Variants in SMYD3 observed in about 807,000 individuals in gnomAD.
The protein encoded by SMYD3 is histone-lysine N-methyltransferase SMYD3.
SMYD3 carries 36 observed loss-of-function variants against 57.7 expected under a neutral mutation model. The observed-to-expected ratio is 0.62, with a 90% CI of 0.48 to 0.82. The LOEUF (loss-of-function observed/expected upper bound fraction) is 0.82. SMYD3 is among the 40% of genes least tolerant of loss of function. The pLI is 0.00. For synonymous variants in SMYD3, 211 were observed against 195.0 expected, an observed-to-expected ratio of 1.08 and a Z score of -0.68; for missense variants, 515 against 538.8, an observed-to-expected ratio of 0.96 and a Z score of 0.44.
intron 8 of SMYD3, among the ~76,000 whole-genome samples, chr1:245,883,116 T>C (rs142388817): frequency 1.1e-4 from 17 of 152,278 alleles, no homozygotes; most frequent in African/African-American, 3.4e-4. Context: ...AAAAGACAAA[T>C]GTGAAAAGGG....
At chr1:246,373,188 T>C (rs956333067) in intron 1 of SMYD3, among the ~76,000 whole-genome samples, 1 of 152,194 alleles carries the variant, frequency 6.6e-6, no homozygotes, top group Non-Finnish European at 1.5e-5. Context: ...CCCCTCCTTT[T>C]ATTTTTTCCA....
At chr1:245,838,999 G>A (rs1191645504) in intron 10 of SMYD3, among the ~76,000 whole-genome samples, 6 of 152,074 alleles carry the variant, frequency 3.9e-5, no homozygotes, top group African/African-American at 7.2e-5. Flanking sequence ...TTGATTGCTC[G>A]TCTGCAGCAC....
chr1:246,378,720 ATATATTATATAT>A (rs1291548433), intron 1 of SMYD3, among the ~76,000 whole-genome samples: 1 of 27,594 alleles, frequency 3.6e-5, no homozygotes, highest in Non-Finnish European at 8.5e-5. Context: ...ATATAATATA[ATATATTATATAT>A]TATATATAAT....
intron 1 of SMYD3, among the ~76,000 whole-genome samples, chr1:246,428,160 G>T (rs1000778429): frequency 6.6e-6 from 1 of 152,116 alleles, no homozygotes; most frequent in Non-Finnish European, 1.5e-5. Flanking sequence ...AACACCCTCG[G>T]ATTGATTTGT....
chr1:246,029,079 T>C (rs547984740), intron 5 of SMYD3, among the ~76,000 whole-genome samples: 5 of 152,246 alleles, frequency 3.3e-5, no homozygotes, highest in Admixed American at 3.3e-4. Flanking sequence ...AAACTCAAAA[T>C]GAATTAAAGA....
At chr1:245,893,338 G>A (rs554458174) in intron 8 of SMYD3, among the ~76,000 whole-genome samples, 1 of 152,120 alleles carries the variant, frequency 6.6e-6, no homozygotes, top group South Asian at 2.1e-4. Flanking sequence ...ATTTACCATA[G>A]AGCCCAGCAA....
At chr1:246,106,224 G>A (rs941113963) in intron 5 of SMYD3, among the ~76,000 whole-genome samples, 5 of 152,172 alleles carry the variant, frequency 3.3e-5, no homozygotes, top group African/African-American at 1.2e-4. Context: ...TCATTACATT[G>A]TAGACATCCT....
chr1:246,300,437 T>C (rs1206560306), intron 5 of SMYD3, among the ~76,000 whole-genome samples: 1 of 152,170 alleles, frequency 6.6e-6, no homozygotes, highest in Non-Finnish European at 1.5e-5. Flanking sequence ...ATTTCTAAAA[T>C]ACCCAAAATT....
At chr1:246,428,092 T>C (rs2067247217) in intron 1 of SMYD3, among the ~76,000 whole-genome samples, 2 of 152,194 alleles carry the variant, frequency 1.3e-5, no homozygotes, top group Non-Finnish European at 1.5e-5. Context: ...CCAGTACCAT[T>C]ATTAGTGCTT....
chr1:246,379,242 A>G (rs1306840249), intron 1 of SMYD3, among the ~76,000 whole-genome samples: 1 of 151,048 alleles, frequency 6.6e-6, no homozygotes, highest in Non-Finnish European at 1.5e-5. Context: ...TAATAATAAC[A>G]TTACATGGGT....
chr1:245,966,939 T>G (rs1310291252), intron 5 of SMYD3, among the ~76,000 whole-genome samples: 1 of 152,198 alleles, frequency 6.6e-6, no homozygotes, highest in Non-Finnish European at 1.5e-5. Flanking sequence ...GAAATATGCT[T>G]GCTTCTCATC....
At chr1:246,359,591 A>G (rs556017560) in intron 1 of SMYD3, among the ~76,000 whole-genome samples, 3 of 152,344 alleles carry the variant, frequency 2.0e-5, no homozygotes, top group Non-Finnish European at 2.9e-5. Flanking sequence ...TGAATCCAGC[A>G]GCACATCAAA....
intron 5 of SMYD3, among the ~76,000 whole-genome samples, chr1:246,218,093 C>A (rs1374605048): frequency 1.3e-5 from 2 of 152,036 alleles, no homozygotes; most frequent in African/African-American, 4.8e-5. Flanking sequence ...ACATGACCAT[C>A]ACGAATAAAT....
At chr1:245,761,448 C>A (rs1219191311) in intron 11 of SMYD3, among the ~76,000 whole-genome samples, 1 of 152,138 alleles carries the variant, frequency 6.6e-6, no homozygotes, top group South Asian at 2.1e-4. Flanking sequence ...TCCTGAAAAT[C>A]CATAGCGAGA....
chr1:245,760,642 T>C (rs568100391), intron 11 of SMYD3, among the ~76,000 whole-genome samples: 1 of 152,234 alleles, frequency 6.6e-6, no homozygotes, highest in South Asian at 2.1e-4. Context: ...CTTGCCGTAT[T>C]GGGGGCATGT....
rs1424199743 is a variant in SMYD3 at position 245,847,910 on chromosome 1, C to T, written c.1076+10586G>A. Among the ~76,000 whole-genome samples, 4 of 152,144 alleles carry T rather than the reference C, an allele frequency of 2.6e-5. No individual in the cohort carries two copies. The South Asian group carries it at 6.2e-4, about 24-fold the overall frequency. ...AATTTCTCAAATCATATATATTGCTCATACACACTGGTCAACACAAACAAA... is the reference window on the plus strand; with the variant it reads ...AATTTCTCAAATCATATATATTGCTTATACACACTGGTCAACACAAACAAA... On this transcript the variant is annotated intron_variant, in intron 10 of 11. Coordinates refer to ENST00000490107, the MANE Select transcript of SMYD3 (RefSeq NM_001167740.2).
At chr1:246,208,623 A>G (rs1220355355) in intron 5 of SMYD3, among the ~76,000 whole-genome samples, 1 of 152,198 alleles carries the variant, frequency 6.6e-6, no homozygotes, top group Non-Finnish European at 1.5e-5. Context: ...GTACCAAGGG[A>G]AAAACATACG....
At chr1:245,968,590 G>T (rs1191641273) in intron 5 of SMYD3, among the ~76,000 whole-genome samples, 1 of 152,138 alleles carries the variant, frequency 6.6e-6, no homozygotes, top group Non-Finnish European at 1.5e-5. Context: ...TAAAGAAAAG[G>T]CAAGGACTTT....
chr1:246,362,513 C>G (rs1010822068), intron 1 of SMYD3, among the ~76,000 whole-genome samples: 261 of 152,140 alleles, frequency 1.7e-3, no homozygotes, highest in African/African-American at 5.7e-3. Context: ...GATGCCGAGC[C>G]GAAGCTGGAC....
Sources: gnomAD v4.1 joint callset for allele counts (sites outside exome capture counted in the v4.1 genomes callset) on GRCh38, gnomAD v4.1.1 for gene constraint, MANE v1.5 for transcripts, NCBI Gene and HGNC (gene_info 2026-07-23, HGNC 2026-07-21) for gene names.